MYO3A: variants seen among roughly 807,000 people sequenced by gnomAD.
MYO3A encodes myosin IIIA, also known as myosin-IIIa.
Under a neutral mutation model 192.7 loss-of-function variants are expected in MYO3A, and 180 were observed. The ratio of observed to expected loss-of-function variants is 0.93; its 90% CI spans 0.83 to 1.06. The LOEUF (loss-of-function observed/expected upper bound fraction) is 1.06. Among genes scored for constraint, MYO3A ranks in the 50% least tolerant of loss-of-function variants. MYO3A has a pLI of 0.00. For synonymous variants in MYO3A, 628 were observed against 645.3 expected, an observed-to-expected ratio of 0.97 and a Z score of 0.41; for missense variants, 1,896 against 1,905.0, an observed-to-expected ratio of 1.00 and a Z score of 0.09.
At chr10:25,934,775 C>T (rs184508125) in intron 1 of MYO3A, among the ~76,000 whole-genome samples, 254 of 148,486 alleles carry the variant, frequency 1.7e-3, no homozygotes, top group African/African-American at 6.1e-3. Flanking sequence ...GAGGGGGGAT[C>T]TCGAGGAGGG....
chr10:26,186,266 CTTTT>C (rs35154545), intron 31 of MYO3A, among the ~76,000 whole-genome samples: 3 of 129,720 alleles, frequency 2.3e-5, no homozygotes, highest in Admixed American at 8.0e-5. Context: ...TGATATCCTT[CTTTT>C]TTTTTTTTTT....
intron 10 of MYO3A, among the ~76,000 whole-genome samples, chr10:26,029,129 T>C (rs1407458763): frequency 6.6e-6 from 1 of 152,190 alleles, no homozygotes; most frequent in African/African-American, 2.4e-5. Flanking sequence ...TCAAACATCG[T>C]GAGAATGGTT....
intron 14 of MYO3A, among the ~76,000 whole-genome samples, chr10:26,085,029 G>C (rs1226727877): frequency 6.6e-6 from 1 of 151,920 alleles, no homozygotes; most frequent in African/African-American, 2.4e-5. Context: ...CTACTTCCAG[G>C]CTACCCAAAT....
At chr10:26,005,570 A>T (rs183592539) in intron 6 of MYO3A, among the ~76,000 whole-genome samples, 1 of 152,302 alleles carries the variant, frequency 6.6e-6, no homozygotes, top group East Asian at 1.9e-4. Context: ...ATTACAAACA[A>T]ATATATAGGA....
intron 6 of MYO3A, among the ~76,000 whole-genome samples, chr10:26,010,135 ATATAATTATCTT>A (rs1288793931): frequency 1.3e-5 from 2 of 152,206 alleles, no homozygotes; most frequent in African/African-American, 2.4e-5. Flanking sequence ...AAAGAAAGCC[ATATAATTATCTT>A]TATTATCAGA....
At chr10:25,965,960 TCTCTCTCTC>T (rs368264356) in intron 4 of MYO3A, among the ~76,000 whole-genome samples, 3 of 129,834 alleles carry the variant, frequency 2.3e-5, no homozygotes, top group African/African-American at 9.2e-5. Flanking sequence ...TTTTTTTTTT[TCTCTCTCTC>T]TCTCTCTCTC....
intron 6 of MYO3A, among the ~76,000 whole-genome samples, chr10:26,009,490 G>A (rs182968205): frequency 2.0e-5 from 3 of 152,332 alleles, no homozygotes; most frequent in African/African-American, 7.2e-5. Flanking sequence ...TGAAAGGCAA[G>A]AGCTGAGACT....
intron 10 of MYO3A, among the ~76,000 whole-genome samples, chr10:26,047,725 A>C (rs2131265986): frequency 6.6e-6 from 1 of 152,200 alleles, no homozygotes; most frequent in Admixed American, 6.5e-5. Flanking sequence ...CAGTGAGCCG[A>C]GATTGCACCA....
intron 17 of MYO3A, among the ~76,000 whole-genome samples, chr10:26,111,231 C>G (rs16926590): frequency 0.1 from 15,516 of 152,118 alleles, 852 homozygotes; most frequent in Non-Finnish European, 0.12. Context: ...GAGGAACTCC[C>G]TGACTCAGAA....
chr10:25,946,309 C>T (rs1457096765), intron 2 of MYO3A, among the ~76,000 whole-genome samples: 1 of 152,198 alleles, frequency 6.6e-6, no homozygotes, highest in African/African-American at 2.4e-5. Context: ...TTTTGTTTAT[C>T]TGGGAACAAA....
intron 10 of MYO3A, among the ~76,000 whole-genome samples, chr10:26,042,664 A>G (rs1269325417): frequency 6.6e-6 from 1 of 152,142 alleles, no homozygotes; most frequent in Non-Finnish European, 1.5e-5. Context: ...ATGTTTAATT[A>G]TTTCAATCTC....
Position 26,212,146 on chromosome 10 carries a change from G to C in MYO3A, c.*183G>C. ...CCGGCCTTCGTGCTCCGAAACAAGA[G>C]ACCTGGGAGCCCTCGGGAAACCTCC... On this transcript the variant is annotated 3_prime_UTR_variant, in exon 35 of 35. Coordinates refer to ENST00000642920, the MANE Select transcript of MYO3A (RefSeq NM_017433.5). The C allele has an allele frequency of 2.2e-6, 2 of 902,880 alleles. No homozygotes were observed. Among genetic ancestry groups the C allele is most frequent in the Middle Eastern group, 3.5e-4 (1 of 2,824 alleles). 55.9% of individuals were successfully genotyped at this position (902,880 alleles called of 1,614,324 possible).
At chr10:26,028,156 T>A (rs983863127) in intron 10 of MYO3A, among the ~76,000 whole-genome samples, 1 of 152,238 alleles carries the variant, frequency 6.6e-6, no homozygotes, top group African/African-American at 2.4e-5. Context: ...TTATCTCATG[T>A]GATTTTACAA....
intron 4 of MYO3A, among the ~76,000 whole-genome samples, chr10:25,963,913 A>C (rs1233257162): frequency 1.3e-5 from 2 of 152,198 alleles, no homozygotes; most frequent in African/African-American, 4.8e-5. Flanking sequence ...AGTGCCGGAA[A>C]AAGCATCTTC....
At chr10:26,145,371 A>T (rs1840398499) in intron 21 of MYO3A, 75 bp from the exon 22 acceptor site, 1 of 1,028,534 alleles carries the variant, frequency 9.7e-7, no homozygotes. Flanking sequence ...TGTCCTTTTT[A>T]TGGTAAATAA....
intron 31 of MYO3A, among the ~76,000 whole-genome samples, chr10:26,185,080 T>C (rs1231967785): frequency 2.0e-5 from 3 of 152,192 alleles, no homozygotes; most frequent in South Asian, 4.1e-4. Flanking sequence ...ACATTCATCA[T>C]AATTTTCATT....
intron 4 of MYO3A, among the ~76,000 whole-genome samples, chr10:25,964,372 A>T (rs1838133779): frequency 6.6e-6 from 1 of 152,132 alleles, no homozygotes; most frequent in African/African-American, 2.4e-5. Flanking sequence ...TTTTATTAGT[A>T]TTTTATTGGA....
chr10:26,036,266 A>G (rs550534520), intron 10 of MYO3A, among the ~76,000 whole-genome samples: 14 of 132,558 alleles, frequency 1.1e-4, no homozygotes, highest in Non-Finnish European at 1.7e-4. Context: ...TAATTAAATT[A>G]AGGATACAGA....
At chr10:26,160,687 C>G (rs930398400) in intron 26 of MYO3A, among the ~76,000 whole-genome samples, 1 of 152,012 alleles carries the variant, frequency 6.6e-6, no homozygotes, top group Non-Finnish European at 1.5e-5. Context: ...AGGACTCAAA[C>G]TGGGACTTGA....
Sources: gnomAD v4.1 joint callset for allele counts (sites outside exome capture counted in the v4.1 genomes callset) on GRCh38, gnomAD v4.1.1 for gene constraint, MANE v1.5 for transcripts, NCBI Gene and HGNC (gene_info 2026-07-23, HGNC 2026-07-21) for gene names.